Variants in ESRRG observed in about 807,000 individuals in gnomAD.
The protein encoded by ESRRG is estrogen-related receptor gamma.
In ESRRG, 13 loss-of-function variants were observed where a neutral mutation model predicts 44.0. The observed-to-expected ratio is 0.30, with a 90% CI of 0.19 to 0.47. ESRRG has a LOEUF of 0.47. Among genes scored for constraint, ESRRG ranks in the 20% least tolerant of loss-of-function variants. ESRRG has a pLI of 1.00. For missense variants in ESRRG, 395 were observed against 580.6 expected, an observed-to-expected ratio of 0.68 and a Z score of 3.29; for synonymous variants, 215 against 214.6, an observed-to-expected ratio of 1.00 and a Z score of -0.02.
At chr1:216,712,956 T>A (rs556206382) in intron 1 of ESRRG, among the ~76,000 whole-genome samples, 1 of 152,340 alleles carries the variant, frequency 6.6e-6, no homozygotes, top group South Asian at 2.1e-4. Flanking sequence ...AACAAAGGGC[T>A]ATTTAAAGCT....
chr1:216,515,293 G>T (rs1376714619), intron 6 of ESRRG, among the ~76,000 whole-genome samples: 1 of 151,976 alleles, frequency 6.6e-6, no homozygotes, highest in Non-Finnish European at 1.5e-5. Flanking sequence ...ATGTATGTAT[G>T]TGTATATATA....
chr1:217,050,495 T>C (rs560228138), intron 1 of ESRRG, among the ~76,000 whole-genome samples: 13 of 152,274 alleles, frequency 8.5e-5, no homozygotes, highest in African/African-American at 1.7e-4. Context: ...CTGGAGGTTA[T>C]TGGTGGAGAA....
chr1:216,779,167 A>C (rs1224892312), intron 2 of ESRRG, among the ~76,000 whole-genome samples: 2 of 104,958 alleles, frequency 1.9e-5, no homozygotes. Flanking sequence ...TAAAATAAAT[A>C]TATATATAAT....
intron 2 of ESRRG, among the ~76,000 whole-genome samples, chr1:216,879,470 G>GA: frequency 4.1e-5 from 2 of 49,382 alleles, no homozygotes; most frequent in African/African-American, 1.2e-4. Context: ...CTCTTGAGGG[G>GA]AAAAAAAGGC....
At chr1:217,038,639 C>A (rs1163840052) in intron 1 of ESRRG, among the ~76,000 whole-genome samples, 2 of 152,198 alleles carry the variant, frequency 1.3e-5, no homozygotes, top group South Asian at 4.1e-4. Context: ...GCAGGGGGTT[C>A]CCTAGGCTCA....
chr1:216,721,266 C>T (rs1482304935), intron 1 of ESRRG, among the ~76,000 whole-genome samples: 1 of 152,152 alleles, frequency 6.6e-6, no homozygotes. Context: ...AATATTTGCC[C>T]CTAAAACTGT....
intron 5 of ESRRG, among the ~76,000 whole-genome samples, chr1:216,544,536 C>G (rs1055271812): frequency 6.6e-6 from 1 of 151,930 alleles, no homozygotes; most frequent in Non-Finnish European, 1.5e-5. Flanking sequence ...GCTTAATCTG[C>G]GTTTCATATT....
intron 1 of ESRRG, among the ~76,000 whole-genome samples, chr1:216,979,141 T>C (rs2073491855): frequency 6.6e-6 from 1 of 152,124 alleles, no homozygotes; most frequent in Non-Finnish European, 1.5e-5. Context: ...AACTGCAAAG[T>C]CTCTCTAAAC....
intron 1 of ESRRG, among the ~76,000 whole-genome samples, chr1:216,684,357 C>T (rs1482422933): frequency 2.0e-5 from 3 of 152,134 alleles, no homozygotes; most frequent in East Asian, 1.9e-4. Flanking sequence ...TTTAAGGATT[C>T]GATCTGATGC....
intron 1 of ESRRG, among the ~76,000 whole-genome samples, chr1:217,133,627 T>TTCTCTC (rs1472410814): frequency 1.0e-3 from 40 of 38,820 alleles, no homozygotes; most frequent in African/African-American, 2.7e-3. Flanking sequence ...CTTTCTTTCT[T>TTCTCTC]TCTTTCTCTC....
intron 2 of ESRRG, among the ~76,000 whole-genome samples, chr1:216,840,974 A>G (rs2095643794): frequency 6.6e-6 from 1 of 151,800 alleles, no homozygotes; most frequent in Admixed American, 6.6e-5. Context: ...TGTGACACAA[A>G]GACCTGAGGT....
chr1:216,696,674 T>C (rs1575443033), intron 1 of ESRRG, among the ~76,000 whole-genome samples: 1 of 152,260 alleles, frequency 6.6e-6, no homozygotes, highest in East Asian at 1.9e-4. Flanking sequence ...ATTAGAGTCT[T>C]CTAATAAGGA....
At chr1:216,912,181 AAAAGGAGAGG>A (rs1560083004) in intron 2 of ESRRG, among the ~76,000 whole-genome samples, 277 of 15,960 alleles carry the variant, frequency 0.017, 24 homozygotes, top group Non-Finnish European at 0.022. Flanking sequence ...AAAAGAAAAG[AAAAGGAGAGG>A]AGAGGAGAGG....
chr1:216,606,612 A>C (rs1395411490), intron 3 of ESRRG, among the ~76,000 whole-genome samples: 1 of 152,148 alleles, frequency 6.6e-6, no homozygotes, highest in Admixed American at 6.5e-5. Flanking sequence ...CCCAATTATC[A>C]GATAGTCAGC....
chr1:216,953,857 A>G (rs891697687), intron 1 of ESRRG, among the ~76,000 whole-genome samples: 1 of 152,160 alleles, frequency 6.6e-6, no homozygotes, highest in African/African-American at 2.4e-5. Context: ...TATAACAGAT[A>G]TAATTATAAC....
chr1:217,080,791 C>A (rs1468036103), intron 1 of ESRRG, among the ~76,000 whole-genome samples: 1 of 150,172 alleles, frequency 6.7e-6, no homozygotes, highest in Non-Finnish European at 1.5e-5. Context: ...CATTCTCCTG[C>A]CTCAGCCTCC....
intron 1 of ESRRG, among the ~76,000 whole-genome samples, chr1:217,076,256 G>T (rs2091282490): frequency 6.6e-6 from 1 of 152,106 alleles, no homozygotes; most frequent in African/African-American, 2.4e-5. Context: ...GTACTGACTA[G>T]ATCCACCTCC....
In ESRRG at chr1:216,709,343, G is replaced by GTATATATATA. The variant is rs71163761; in HGVS notation, c.56+13891_56+13900dup. The stretch of plus-strand genomic sequence containing the variant: ...TATATATGTGTATGTGTGTGTGTGT[G>GTATATATATA]TATATATATATATATATATTCAATT... On this transcript the variant is annotated intron_variant, in intron 1 of 6. Coordinates refer to ENST00000408911, the MANE Select transcript of ESRRG (RefSeq NM_001438.4). Among the ~76,000 whole-genome samples the GTATATATATA allele has an allele frequency of 8.6e-3, 1,251 of 145,346 alleles. 22 individuals are homozygous for GTATATATATA. Among genetic ancestry groups the GTATATATATA allele is most frequent in the African/African-American group, 0.03 (1,151 of 38,880 alleles).
chr1:216,739,902 T>G (rs186316391), intron 2 of ESRRG, among the ~76,000 whole-genome samples: 65 of 152,286 alleles, frequency 4.3e-4, no homozygotes, highest in African/African-American at 1.5e-3. Flanking sequence ...AGACGTCTCT[T>G]TCCTACAGTT....
Sources: allele counts gnomAD v4.1 joint callset (sites outside exome capture counted in the v4.1 genomes callset), GRCh38; gene constraint gnomAD v4.1.1; transcripts MANE v1.5; gene names NCBI Gene and HGNC (gene_info 2026-07-23, HGNC 2026-07-21).